SYT6: variants seen among roughly 807,000 people sequenced by gnomAD.
SYT6 encodes the protein synaptotagmin 6, also known as synaptotagmin-6.
In SYT6, 24 loss-of-function variants were observed where a neutral mutation model predicts 38.4. The ratio of observed to expected loss-of-function variants is 0.62; its 90% confidence interval spans 0.45 to 0.88. The LOEUF (loss-of-function observed/expected upper bound fraction) is 0.88, where lower values mean the gene tolerates loss of function less well. SYT6 is among the 40% of genes least tolerant of loss of function. The pLI, the probability that SYT6 is intolerant of heterozygous loss-of-function variation, is 0.00. For synonymous variants in SYT6, 265 were observed against 241.9 expected (o/e 1.10, Z -0.89); for missense variants, 611 against 621.0 (o/e 0.98, Z 0.17).
At chr1:114,098,993 A>C (rs779640350) in intron 5 of SYT6, 101 bp downstream of exon 5, 79 of 1,263,244 alleles carry the variant, frequency 6.3e-5, no homozygotes, top group Admixed American at 1.4e-4. Context: ...TGAACCCTAA[A>C]GCTGAGCCCT....
chr1:114,139,947 G>A lies in SYT6; in HGVS notation c.180C>T (p.Leu60=). The change falls in exon 2 of 8, where the codon CTC becomes CTT. Residue 60 remains leucine, a synonymous_variant. Transcript: ENST00000610222. ...SAAGAGTSVS[L]LAVVVIVCGV... The stretch of plus-strand genomic sequence containing the variant: ...CACACACAATAACTACAACTGCGAG[G>A]AGGCTGACAGAGGTGCCTGCCCTCG... The A allele has an allele frequency of 6.7e-7, 1 of 1,503,740 alleles. No individual in the cohort carries two copies. The highest frequency in any genetic ancestry group is 2.3e-5 in the Admixed American group (1 of 43,634). The allele number at this position is 1,503,740 out of a possible 1,614,324, so 93.1% of individuals were successfully genotyped here. A position where few individuals can be genotyped will look rare whatever the true frequency, so the allele number is the denominator to read the frequency against.
At chr1:114,101,516 A>G (rs1326160152) in intron 4 of SYT6, among the ~76,000 whole-genome samples, 1 of 152,174 alleles carries the variant, frequency 6.6e-6, no homozygotes, top group Non-Finnish European at 1.5e-5. Context: ...ATTTTGTGCT[A>G]TTTTTAGTGT....
intron 6 of SYT6, among the ~76,000 whole-genome samples, chr1:114,097,203 G>A (rs1675688228): frequency 6.6e-6 from 1 of 152,160 alleles, no homozygotes; most frequent in East Asian, 1.9e-4. Context: ...GCCAGAAAGC[G>A]TGACACCTTG....
chr1:114,093,518 C>T (rs1675441716), intron 7 of SYT6, among the ~76,000 whole-genome samples: 2 of 152,180 alleles, frequency 1.3e-5, no homozygotes, highest in South Asian at 2.1e-4. Context: ...TCCAGTCTAA[C>T]CTTCTTGTTC....
chr1:114,105,677 G>A (rs2100993998), intron 3 of SYT6, among the ~76,000 whole-genome samples: 1 of 152,286 alleles, frequency 6.6e-6, no homozygotes, highest in African/African-American at 2.4e-5. Flanking sequence ...CTGCGAGGCA[G>A]GCTTGTTGGC....
chr1:114,152,141 A>C (rs1169898139), intron 1 of SYT6: 1 of 151,810 alleles, frequency 6.6e-6, no homozygotes, highest in Non-Finnish European at 1.5e-5. Context: ...CTACCTCTAT[A>C]TACGACCTTT....
intron 1 of SYT6, among the ~76,000 whole-genome samples, chr1:114,153,134 G>T (rs1044555498): frequency 2.0e-5 from 3 of 152,020 alleles, no homozygotes; most frequent in Non-Finnish European, 4.4e-5. Context: ...CTGGGGGTCC[G>T]CCCGCGTTCA....
intron 3 of SYT6, among the ~76,000 whole-genome samples, chr1:114,133,194 C>T (rs1207585437): frequency 6.6e-6 from 1 of 152,108 alleles, no homozygotes; most frequent in African/African-American, 2.4e-5. Context: ...CACATGCACA[C>T]ACACACACGC....
intron 6 of SYT6, among the ~76,000 whole-genome samples, chr1:114,097,497 A>G (rs760938128): frequency 6.6e-6 from 1 of 152,210 alleles, no homozygotes; most frequent in Admixed American, 6.5e-5. Flanking sequence ...CTTGCTTTCC[A>G]TTAAGAACTC....
At chr1:114,137,418 G>A in intron 3 of SYT6, 77 bp downstream of exon 3, 1 of 1,494,016 alleles carries the variant, frequency 6.7e-7, no homozygotes, top group Non-Finnish European at 9.1e-7. Context: ...TCTCTAGGAA[G>A]TGAGGGTTTG....
Position 114,137,941 on chromosome 1 carries a change from G to C in SYT6, c.625C>G (p.Pro209Ala). 1 of 1,614,026 alleles carries C rather than the reference G, an allele frequency of 6.2e-7. No homozygotes were observed. Among genetic ancestry groups the C allele is most frequent in the Admixed American group, 1.7e-5 (1 of 60,008 alleles). The change falls in exon 3 of 8, where the codon CCT (proline) becomes GCT (alanine). Residue 209 changes from proline to alanine, a missense_variant. Physicochemically the swap from Pro to Ala is conservative, Grantham distance 27. Coordinates refer to ENST00000610222, the MANE Select transcript of SYT6 (RefSeq NM_001253772.2). ...EQPTSIGRIKPELYKQKSVDG... is the reference protein window; with the variant it reads ...EQPTSIGRIKAELYKQKSVDG... ...ACCGACTTCTGCTTGTAGAGCTCAG[G>C]CTTGATGCGGCCAATGCTGGTGGGC...
At chr1:114,140,457 G>A (rs1678802955) in intron 1 of SYT6, among the ~76,000 whole-genome samples, 1 of 152,098 alleles carries the variant, frequency 6.6e-6, no homozygotes. Context: ...GGGGGGCAGA[G>A]GCTGGCTAAC....
intron 3 of SYT6, among the ~76,000 whole-genome samples, chr1:114,118,453 G>T (rs921338244): frequency 2.0e-5 from 3 of 152,210 alleles, no homozygotes; most frequent in African/African-American, 7.2e-5. Flanking sequence ...GCCAGGGGTC[G>T]CCTGAGTGCC....
chr1:114,118,371 C>T (rs1003633083), intron 3 of SYT6, among the ~76,000 whole-genome samples: 1 of 152,210 alleles, frequency 6.6e-6, no homozygotes, highest in Non-Finnish European at 1.5e-5. Context: ...TGCAGAGTGG[C>T]AGAAACAGAG....
Position 114,113,709 on chromosome 1 carries a change from C to T in SYT6, c.1072-9988G>A, listed in dbSNP as rs563141086. Among the ~76,000 whole-genome samples the T allele has an allele frequency of 6.4e-4, 98 of 152,260 alleles. 1 individual carries two copies. The highest frequency in any genetic ancestry group is 2.3e-3 in the African/African-American group (95 of 41,534). On this transcript the variant is annotated intron_variant, in intron 3 of 7. Transcript: ENST00000610222. ...ACCTCTCTCCATCTCCAGTGCCACA[C>T]GGAGGCCAAAGCCTACCCCCCTGCC...
intron 3 of SYT6, among the ~76,000 whole-genome samples, chr1:114,126,819 G>T (rs533487830): frequency 7.6e-4 from 116 of 152,354 alleles, no homozygotes; most frequent in African/African-American, 2.7e-3. Flanking sequence ...CGAGCAGAGG[G>T]AGGGAGGGAA....
At chr1:114,100,246 C>T (rs1270648929) in intron 4 of SYT6, among the ~76,000 whole-genome samples, 2 of 152,186 alleles carry the variant, frequency 1.3e-5, no homozygotes, top group Non-Finnish European at 2.9e-5. Context: ...GGGCGGCTCA[C>T]AGGTAATAAT....
At chr1:114,097,291 C>T (rs1377148810) in intron 6 of SYT6, among the ~76,000 whole-genome samples, 1 of 152,230 alleles carries the variant, frequency 6.6e-6, no homozygotes, top group East Asian at 1.9e-4. Flanking sequence ...CATCTCTATC[C>T]AAGCAGTGAA....
intron 2 of SYT6, among the ~76,000 whole-genome samples, 157 bp downstream of exon 2, chr1:114,139,458 G>A (rs734927): frequency 0.047 from 7,183 of 152,132 alleles, 614 homozygotes; most frequent in African/African-American, 0.16. Flanking sequence ...CCTCCTCATT[G>A]ATCACCCATC....
Sources: allele counts gnomAD v4.1 joint callset (sites outside exome capture counted in the v4.1 genomes callset), GRCh38; gene constraint gnomAD v4.1.1; transcripts MANE v1.5; gene names NCBI Gene and HGNC (gene_info 2026-07-23, HGNC 2026-07-21).